CPA6: variants seen among roughly 807,000 people sequenced by gnomAD.
CPA6 encodes the protein carboxypeptidase B.
A neutral mutation model predicts 63.3 loss-of-function variants in CPA6; 58 were observed. The ratio of observed to expected loss-of-function variants is 0.92; its 90% CI spans 0.74 to 1.14. The LOEUF (loss-of-function observed/expected upper bound fraction) is 1.14. CPA6 is among the 50% of genes most tolerant of loss of function. The pLI is 0.00. For synonymous variants in CPA6, 185 were observed against 179.0 expected (o/e 1.03, Z -0.27); for missense variants, 565 against 526.6 (o/e 1.07, Z -0.71).
chr8:67,554,778 G>C (rs530599062), intron 2 of CPA6, among the ~76,000 whole-genome samples: 14 of 152,280 alleles, frequency 9.2e-5, no homozygotes, highest in Non-Finnish European at 1.3e-4. Context: ...GAAGAGGGGT[G>C]ACCTGGCTCT....
chr8:67,677,534 C>T (rs1341385810), intron 1 of CPA6, among the ~76,000 whole-genome samples: 1 of 152,054 alleles, frequency 6.6e-6, no homozygotes, highest in Admixed American at 6.5e-5. Context: ...GATTAAAAAG[C>T]CAACTCACAA....
intron 8 of CPA6, among the ~76,000 whole-genome samples, chr8:67,454,457 G>A (rs1810625677): frequency 6.6e-6 from 1 of 152,090 alleles, no homozygotes; most frequent in African/African-American, 2.4e-5. Flanking sequence ...TACAGCATTA[G>A]GACATAGCAT....
chr8:67,698,564 A>G (rs186175968), intron 1 of CPA6, among the ~76,000 whole-genome samples: 1 of 152,288 alleles, frequency 6.6e-6, no homozygotes, highest in African/African-American at 2.4e-5. Context: ...ATTATCTTCT[A>G]GTTTTCTGTT....
chr8:67,469,764 T>C (rs751359387), intron 8 of CPA6, among the ~76,000 whole-genome samples: 1 of 152,176 alleles, frequency 6.6e-6, no homozygotes, highest in African/African-American at 2.4e-5. Flanking sequence ...ACCTCTGTAA[T>C]TGTGTGAACC....
chr8:67,475,934 CTCTT>C (rs1466340126), intron 8 of CPA6, among the ~76,000 whole-genome samples: 1 of 47,582 alleles, frequency 2.1e-5, no homozygotes, highest in Non-Finnish European at 4.2e-5. Context: ...TTCTTTCTTT[CTCTT>C]TCTTTCTCTG....
intron 1 of CPA6, among the ~76,000 whole-genome samples, chr8:67,689,167 C>T (rs1289845698): frequency 6.6e-6 from 1 of 151,982 alleles, no homozygotes; most frequent in Non-Finnish European, 1.5e-5. Context: ...AATGTACTCC[C>T]GTAACTTTTT....
intron 2 of CPA6, among the ~76,000 whole-genome samples, chr8:67,529,352 G>C (rs7017892): frequency 0.3 from 46,083 of 152,012 alleles, 7,192 homozygotes; most frequent in South Asian, 0.41. Context: ...CCTAACCAGG[G>C]AGAGATGAGA....
rs531777485 is a variant in CPA6 at position 67,654,533 on chromosome 8, A to G, written c.117-30282T>C. Among the ~76,000 whole-genome samples the G allele has an allele frequency of 2.6e-5, 4 of 152,098 alleles. No individual in the cohort carries two copies. The East Asian group carries it at 7.7e-4, about 29-fold the overall frequency. ...TAGATTTTCTAGTTTATTTGCGTAG[A>G]GGTGTTTGTAGTATTCTCTGATGGT... On this transcript the variant is annotated intron_variant, in intron 1 of 10. Coordinates refer to ENST00000297770, the MANE Select transcript of CPA6 (RefSeq NM_020361.5).
chr8:67,623,953 C>T (rs990180965), intron 2 of CPA6, among the ~76,000 whole-genome samples: 2 of 151,952 alleles, frequency 1.3e-5, no homozygotes, highest in Admixed American at 6.6e-5. Context: ...GCCGAGATCG[C>T]ACCACTGCAC....
At chr8:67,651,643 A>T (rs1379844073) in intron 1 of CPA6, among the ~76,000 whole-genome samples, 1 of 152,076 alleles carries the variant, frequency 6.6e-6, no homozygotes, top group Non-Finnish European at 1.5e-5. Flanking sequence ...TTTTCCTTAC[A>T]TTTCCTATTC....
intron 1 of CPA6, among the ~76,000 whole-genome samples, chr8:67,718,641 C>T (rs1817429964): frequency 6.6e-6 from 1 of 151,418 alleles, no homozygotes; most frequent in Admixed American, 6.6e-5. Context: ...TGCACATAGA[C>T]AGCTGAAGTT....
chr8:67,636,686 T>G (rs1381893372), intron 1 of CPA6, among the ~76,000 whole-genome samples: 1 of 151,496 alleles, frequency 6.6e-6, no homozygotes, highest in Non-Finnish European at 1.5e-5. Context: ...GTTTAAAATA[T>G]TTGCTGAAAT....
chr8:67,432,781 G>A (rs13275199), intron 9 of CPA6, among the ~76,000 whole-genome samples: 52,146 of 152,096 alleles, frequency 0.34, 13,541 homozygotes, highest in African/African-American at 0.74. Context: ...TATCTTAAAT[G>A]AACAGGTGAT....
intron 1 of CPA6, among the ~76,000 whole-genome samples, chr8:67,660,648 T>G (rs1405077509): frequency 6.6e-6 from 1 of 151,890 alleles, no homozygotes; most frequent in African/African-American, 2.4e-5. Context: ...CGGCCTGTAT[T>G]ACAGTTTTAA....
At chr8:67,537,385 C>T (rs1023948163) in intron 2 of CPA6, among the ~76,000 whole-genome samples, 2 of 152,080 alleles carry the variant, frequency 1.3e-5, no homozygotes, top group Non-Finnish European at 2.9e-5. Context: ...TGTTATTGGT[C>T]TATTTAGGCA....
At chr8:67,483,567 T>A (rs1811404115) in intron 8 of CPA6, 1 of 584,272 alleles carries the variant, frequency 1.7e-6, no homozygotes, top group African/African-American at 1.9e-5. Context: ...TTTAAAATCC[T>A]TGATTTTTAT....
intron 5 of CPA6, among the ~76,000 whole-genome samples, chr8:67,507,321 C>A (rs1317320714): frequency 1.3e-5 from 2 of 151,958 alleles, no homozygotes; most frequent in African/African-American, 2.4e-5. Flanking sequence ...CTCCCTCATC[C>A]CCTTTCTCTT....
intron 6 of CPA6, among the ~76,000 whole-genome samples, chr8:67,494,940 GATCTTTC>G (rs1394046456): frequency 2.0e-5 from 3 of 152,162 alleles, no homozygotes; most frequent in Non-Finnish European, 4.4e-5. Context: ...CAGCTTGCTT[GATCTTTC>G]ACCTCTTATC....
intron 9 of CPA6, among the ~76,000 whole-genome samples, chr8:67,429,823 A>G (rs1464539524): frequency 1.3e-5 from 2 of 151,490 alleles, no homozygotes; most frequent in East Asian, 1.9e-4. Flanking sequence ...AAAATCTAAG[A>G]AAAAAAAAGA....
Sources: gnomAD v4.1 joint callset for allele counts (sites outside exome capture counted in the v4.1 genomes callset) on GRCh38, gnomAD v4.1.1 for gene constraint, MANE v1.5 for transcripts, NCBI Gene and HGNC (gene_info 2026-07-23, HGNC 2026-07-21) for gene names.